The following MARCHF4 variants were observed in gnomAD, a reference collection of about 807,000 sequenced individuals.
MARCHF4 encodes E3 ubiquitin-protein ligase MARCHF4.
Under a neutral mutation model 43.9 loss-of-function variants are expected in MARCHF4, and 14 were observed. That is an observed-to-expected ratio of 0.32 (90% CI 0.21 to 0.50). The LOEUF is 0.50. MARCHF4 is among the 20% of genes least tolerant of loss of function. MARCHF4 has a pLI of 0.98. For missense variants in MARCHF4, 468 were observed against 536.7 expected (o/e 0.87, Z 1.27); for synonymous variants, 226 against 213.3 (o/e 1.06, Z -0.52).
chr2:216,332,869 C>A (rs1270334118), intron 1 of MARCHF4, among the ~76,000 whole-genome samples: 1 of 152,124 alleles, frequency 6.6e-6, no homozygotes, highest in Admixed American at 6.5e-5. Flanking sequence ...CACGGATACA[C>A]AATTACTTGA....
chr2:216,261,162 G>C (rs1690737744), intron 3 of MARCHF4, among the ~76,000 whole-genome samples: 1 of 152,144 alleles, frequency 6.6e-6, no homozygotes, highest in African/African-American at 2.4e-5. Context: ...AGCTTAAAAT[G>C]GGATGCATGT....
chr2:216,323,332 T>A (rs1295849077), intron 1 of MARCHF4, among the ~76,000 whole-genome samples: 1 of 152,164 alleles, frequency 6.6e-6, no homozygotes, highest in Non-Finnish European at 1.5e-5. Flanking sequence ...TCACCCTGAA[T>A]TTCAGTTTCA....
chr2:216,339,213 G>T (rs1451677447), intron 1 of MARCHF4, among the ~76,000 whole-genome samples: 1 of 152,190 alleles, frequency 6.6e-6, no homozygotes, highest in African/African-American at 2.4e-5. Flanking sequence ...CAGCAGTCTT[G>T]TCATTCTAGG....
At chr2:216,260,979 G>A (rs1451480919) in intron 3 of MARCHF4, among the ~76,000 whole-genome samples, 1 of 152,224 alleles carries the variant, frequency 6.6e-6, no homozygotes, top group Non-Finnish European at 1.5e-5. Context: ...CAGGGTGGGA[G>A]TGAAGAGAAA....
At chr2:216,365,793 G>A (rs57437029) in intron 1 of MARCHF4, among the ~76,000 whole-genome samples, 453 of 152,318 alleles carry the variant, frequency 3.0e-3, no homozygotes, top group African/African-American at 0.01. Flanking sequence ...CTGTCTGTGT[G>A]TTCTTGATCT....
chr2:216,343,166 G>A (rs1022182158), intron 1 of MARCHF4, among the ~76,000 whole-genome samples: 1 of 152,302 alleles, frequency 6.6e-6, no homozygotes, highest in South Asian at 2.1e-4. Context: ...GAGAGCCATG[G>A]AAGATTTGCT....
intron 2 of MARCHF4, among the ~76,000 whole-genome samples, chr2:216,279,294 A>G (rs573367137): frequency 6.6e-6 from 1 of 152,254 alleles, no homozygotes; most frequent in Non-Finnish European, 1.5e-5. Context: ...GAGAAGATAC[A>G]AGTGGGTGGA....
chr2:216,367,942 G>GA lies in MARCHF4; in HGVS notation c.516+1802dup, dbSNP rs1348338659. ...TCTCCCAACACACCTCTGAGGAAAG[G>GA]AGGGGGGGGCATGAAAAGGTGTCTC... On this transcript the variant is annotated intron_variant, in intron 1 of 3. Coordinates refer to ENST00000273067, the MANE Select transcript of MARCHF4 (RefSeq NM_020814.3). Among the ~76,000 whole-genome samples the GA allele has an allele frequency of 2.0e-5, 3 of 151,730 alleles. No individual in the cohort carries two copies. The East Asian group carries it at 5.8e-4, about 29-fold the overall frequency.
At chr2:216,276,760 A>C (rs1306298166) in intron 3 of MARCHF4, among the ~76,000 whole-genome samples, 1 of 152,190 alleles carries the variant, frequency 6.6e-6, no homozygotes, top group Admixed American at 6.5e-5. Context: ...GGATAACCTG[A>C]GAGTTCTAGG....
intron 1 of MARCHF4, among the ~76,000 whole-genome samples, chr2:216,309,129 C>G (rs534736689): frequency 1.3e-5 from 2 of 152,282 alleles, no homozygotes; most frequent in South Asian, 4.1e-4. Context: ...GGCAACATAT[C>G]TTCACAAAGC....
rs1055360028 is a variant in MARCHF4 at position 216,348,124 on chromosome 2, G to A, written c.516+21621C>T. Among the ~76,000 whole-genome samples the A allele has an allele frequency of 3.5e-5, 5 of 141,646 alleles. No homozygotes were observed. In the Admixed American group the frequency reaches 3.8e-4, roughly 11 times the overall value. 92.9% of individuals were successfully genotyped at this position (141,646 alleles called of 152,430 possible). On this transcript the variant is annotated intron_variant, in intron 1 of 3. Transcript: ENST00000273067. ...GTGATCTCAGCTCACTGAAACCTCC[G>A]CCTCCCCGGTTCAAGTGATTCTCCT...
At chr2:216,331,414 C>T (rs1007817082) in intron 1 of MARCHF4, among the ~76,000 whole-genome samples, 2 of 151,994 alleles carry the variant, frequency 1.3e-5, no homozygotes, top group African/African-American at 4.8e-5. Context: ...GATGAATTAT[C>T]CCAAATATTT....
At chr2:216,357,291 C>A (rs910452894) in intron 1 of MARCHF4, among the ~76,000 whole-genome samples, 2 of 151,988 alleles carry the variant, frequency 1.3e-5, no homozygotes, top group African/African-American at 4.8e-5. Context: ...TGAGATAGTT[C>A]CCCATCATTC....
intron 1 of MARCHF4, among the ~76,000 whole-genome samples, chr2:216,331,685 C>T (rs1015860574): frequency 1.3e-5 from 2 of 152,046 alleles, no homozygotes; most frequent in South Asian, 2.1e-4. Context: ...AAATGAAAAC[C>T]GATCAACGTA....
chr2:216,266,988 C>A (rs1690855682), intron 3 of MARCHF4, among the ~76,000 whole-genome samples: 1 of 152,196 alleles, frequency 6.6e-6, no homozygotes, highest in Non-Finnish European at 1.5e-5. Flanking sequence ...AACATGCCAA[C>A]ACCTTTCTAT....
chr2:216,286,679 C>T (rs1378577134), intron 1 of MARCHF4, among the ~76,000 whole-genome samples: 1 of 152,148 alleles, frequency 6.6e-6, no homozygotes. Flanking sequence ...TGCATTCAGG[C>T]AAATTTTGTA....
At chr2:216,317,752 A>G (rs1691803582) in intron 1 of MARCHF4, among the ~76,000 whole-genome samples, 1 of 152,142 alleles carries the variant, frequency 6.6e-6, no homozygotes, top group Non-Finnish European at 1.5e-5. Context: ...ACACCTCTCT[A>G]TAAGCGGGTA....
At chr2:216,290,131 G>A (rs1371414910) in intron 1 of MARCHF4, among the ~76,000 whole-genome samples, 1 of 152,188 alleles carries the variant, frequency 6.6e-6, no homozygotes, top group Non-Finnish European at 1.5e-5. Context: ...ATACCTAAGA[G>A]ACTGTTATGT....
intron 2 of MARCHF4, among the ~76,000 whole-genome samples, chr2:216,282,082 C>G (rs547751664): frequency 6.6e-6 from 1 of 152,184 alleles, no homozygotes; most frequent in East Asian, 1.9e-4. Context: ...CTGCTGGAAC[C>G]CAGAGGACGT....
Sources: allele counts gnomAD v4.1 joint callset (sites outside exome capture counted in the v4.1 genomes callset), GRCh38; gene constraint gnomAD v4.1.1; transcripts MANE v1.5; gene names NCBI Gene and HGNC (gene_info 2026-07-23, HGNC 2026-07-21).